DST: variants seen among roughly 807,000 people sequenced by gnomAD.
DST encodes bullous pemphigoid antigen.
Under a neutral mutation model 875.2 loss-of-function variants are expected in DST, and 253 were observed. The observed-to-expected ratio is 0.29, with a 90% CI of 0.26 to 0.32. DST has a LOEUF of 0.32. Ranked by LOEUF, DST falls within the 10% of genes least tolerant of loss-of-function variation. The probability of loss-of-function intolerance (pLI) is 1.00; values close to 1 mark genes in which losing one functional copy is unlikely to be tolerated. For missense variants in DST, 8,287 were observed against 9,111.6 expected (o/e 0.91, Z 3.68); for synonymous variants, 3,124 against 3,197.1 (o/e 0.98, Z 0.77).
intron 2 of DST, among the ~76,000 whole-genome samples, chr6:56,938,108 C>CTCTCTCTCTCTCTCTCTCTCTATATATA (rs1383243392): frequency 5.0e-5 from 6 of 120,724 alleles, no homozygotes; most frequent in African/African-American, 2.1e-4. Flanking sequence ...CTCTCTCTCT[C>CTCTCTCTCTCTCTCTCTCTCTATATATA]TATATATATA....
chr6:56,566,592 G>A lies in DST; in HGVS notation c.14005+1877C>T, dbSNP rs184585344. On this transcript the variant is annotated intron_variant, in intron 55 of 103. Transcript: ENST00000680361. ...TCAGTTGGAAATGCAGAAATCACCC[G>A]CCTTCTGCATTGATTTCACTGGGAG... 1.2e-4 allele frequency among the ~76,000 whole-genome samples: 18 copies of A among 152,244 alleles called. 1 individual carries two copies. In the South Asian group the frequency reaches 2.1e-3, roughly 18 times the overall value.
intron 90 of DST, among the ~76,000 whole-genome samples, chr6:56,481,836 A>T (rs768171958): frequency 6.6e-6 from 1 of 152,228 alleles, no homozygotes; most frequent in Non-Finnish European, 1.5e-5. Flanking sequence ...CTGAAAAGGA[A>T]ACATCAAAAG....
chr6:56,585,236 C>G (rs1389589009), intron 49 of DST, among the ~76,000 whole-genome samples: 194 of 145,662 alleles, frequency 1.3e-3, no homozygotes, highest in Middle Eastern at 3.5e-3. Context: ...GACTCTTTTT[C>G]GTTGGTAAGC....
intron 2 of DST, among the ~76,000 whole-genome samples, chr6:56,943,706 T>C (rs1483496945): frequency 6.6e-6 from 1 of 152,040 alleles, no homozygotes; most frequent in Non-Finnish European, 1.5e-5. Flanking sequence ...GTGCTGGGAT[T>C]ACAGGCATGA....
chr6:56,933,401 G>A (rs1316206412), intron 2 of DST, among the ~76,000 whole-genome samples: 1 of 152,198 alleles, frequency 6.6e-6, no homozygotes, highest in Non-Finnish European at 1.5e-5. Context: ...AGGAGATCAG[G>A]TCTTTCAGCA....
chr6:56,765,503 T>C (rs891300104), intron 4 of DST, among the ~76,000 whole-genome samples: 2 of 152,148 alleles, frequency 1.3e-5, no homozygotes, highest in Admixed American at 6.5e-5. Context: ...ACGAAACATA[T>C]GCATGCCAGG....
chr6:56,693,616 A>G (rs1225270544), intron 9 of DST, among the ~76,000 whole-genome samples: 1 of 152,220 alleles, frequency 6.6e-6, no homozygotes, highest in Non-Finnish European at 1.5e-5. Flanking sequence ...GATTTAGGAA[A>G]GTGCCCTTCA....
chr6:56,592,412 G>T (rs1207296583), intron 48 of DST, 54 bp from the exon 49 acceptor site: 3 of 1,365,016 alleles, frequency 2.2e-6, no homozygotes, highest in South Asian at 1.3e-5. Context: ...ATTTTCATAT[G>T]CATCAAATAA....
chr6:56,894,562 C>T (rs1171752120), intron 3 of DST, among the ~76,000 whole-genome samples: 2 of 54,400 alleles, frequency 3.7e-5, no homozygotes, highest in Admixed American at 2.9e-4. Context: ...CTGGACGGGG[C>T]GGCTGGCCGG....
At position 56,593,686 on chromosome 6, in the gene DST, G is replaced by C. The variant is rs778888568; in HGVS notation, c.12703C>G (p.Arg4235Gly). 43 of 1,606,476 alleles carry C rather than the reference G, an allele frequency of 2.7e-5. No homozygotes were observed. The highest frequency in any genetic ancestry group is 3.6e-5 in the Non-Finnish European group (42 of 1,175,490). Residue 4235 changes from arginine (R) to glycine (G), a missense_variant, in exon 48 of 104, where the codon CGG becomes GGG. Physicochemically the swap from Arg to Gly is moderately radical, Grantham distance 125. Coordinates refer to ENST00000680361, the MANE Select transcript of DST (RefSeq NM_001374736.1). ...ACCTTAGAGTAGAGAGACCTGAACC[G>C]ATCAGTAGCATGATCCAACTTGCGC... ...VQRKLDHATD[R>G]FRSLYSKCNV...
At position 56,488,107 on chromosome 6, in the gene DST, C is replaced by A. The variant is rs11965750; in HGVS notation, c.20878-834G>T. ...TTCTAAGTAATAGACAACACAATTA[C>A]AATCACATTATTTCTACAGTTATCC... On this transcript the variant is annotated intron_variant, in intron 86 of 103. Coordinates refer to ENST00000680361, the MANE Select transcript of DST (RefSeq NM_001374736.1). Among the ~76,000 whole-genome samples the A allele has an allele frequency of 9.5e-3, 1,447 of 152,242 alleles. 24 individuals carry two copies. Among genetic ancestry groups the A allele is most frequent in the African/African-American group, 0.032 (1,341 of 41,542 alleles).
chr6:56,693,701 A>G (rs2099246703), intron 9 of DST, among the ~76,000 whole-genome samples: 1 of 152,102 alleles, frequency 6.6e-6, no homozygotes, highest in Non-Finnish European at 1.5e-5. Context: ...TTTTTTCTTA[A>G]GAAATACCAA....
chr6:56,632,785 A>T (rs2098792342), intron 28 of DST, 69 bp downstream of exon 28: 1 of 1,339,536 alleles, frequency 7.5e-7, no homozygotes, highest in Non-Finnish European at 1.1e-6. Context: ...TGAGATTCCC[A>T]TTGAGAGCAA....
chr6:56,824,403 A>G (rs572677447), intron 4 of DST, among the ~76,000 whole-genome samples: 3 of 152,292 alleles, frequency 2.0e-5, no homozygotes, highest in South Asian at 4.1e-4. Flanking sequence ...AAGAGCCGAG[A>G]TTGCAGCCTC....
chr6:56,483,527 C>CTTTTTTTTTTT lies in DST; in HGVS notation c.21208-661_21208-651dup, dbSNP rs138042978. 17 of 60,032 alleles carry CTTTTTTTTTTT rather than the reference C, an allele frequency of 2.8e-4. 1 individual carries two copies. The highest frequency in any genetic ancestry group is 9.9e-4 in the African/African-American group (13 of 13,196). The allele number at this position is 60,032 out of a possible 1,614,324, so 3.7% of individuals were successfully genotyped here. On this transcript the variant is annotated intron_variant, in intron 88 of 103. Transcript: ENST00000680361. ...CTTAGAGGAAAAGCTTCTGGGTTTG[C>CTTTTTTTTTTT]TTTTTTTTTTTTTTTTTTTTTTTTT...
At chr6:56,897,307 G>C (rs939452431) in intron 3 of DST, among the ~76,000 whole-genome samples, 1 of 104,684 alleles carries the variant, frequency 9.6e-6, no homozygotes, top group East Asian at 2.1e-4. Flanking sequence ...TTTTTTTTTG[G>C]GGGGGGGGTT....
chr6:56,754,968 C>T (rs977192183), intron 4 of DST, among the ~76,000 whole-genome samples: 49 of 152,000 alleles, frequency 3.2e-4, no homozygotes, highest in Non-Finnish European at 8.8e-5. Context: ...TGGATTATCC[C>T]TTCTATTTCA....
At position 56,471,231 on chromosome 6, in the gene DST, C is replaced by A. The variant is rs1212250838; in HGVS notation, c.22196G>T (p.Arg7399Leu). 3.1e-6 allele frequency: 5 copies of A among 1,594,860 alleles called. No homozygotes were observed. The highest frequency in any genetic ancestry group is 3.4e-6 in the Non-Finnish European group (4 of 1,169,764). The change falls in exon 95 of 104, where the codon CGC becomes CTC. Residue 7399 changes from arginine to leucine, a missense_variant. Arg to Leu is a moderately radical substitution (Grantham distance 102). Around this residue, in one of 10 missense-constraint regions of DST, gnomAD observed 1,292 missense variants for 1,552.7 expected, o/e 0.83. Transcript: ENST00000680361. Reference protein sequence around the residue: ...EFANFDFDIWRKKYMRWMNHK... With the variant: ...EFANFDFDIWLKKYMRWMNHK... ...ATTCATCCATCGCATGTATTTTTTG[C>A]GCCAGATATCAAAATCAAAGTTAGC... is the stretch of plus-strand genomic sequence containing the variant.
intron 2 of DST, among the ~76,000 whole-genome samples, chr6:56,916,778 T>TCTCACA (rs1470233953): frequency 0.089 from 8,131 of 90,976 alleles, 459 homozygotes; most frequent in South Asian, 0.14. Context: ...TCTCTCTCTC[T>TCTCACA]CACACACACA....
Sources: allele counts gnomAD v4.1 joint callset (sites outside exome capture counted in the v4.1 genomes callset), GRCh38; gene constraint gnomAD v4.1.1; regional missense constraint gnomAD v4.1.1; transcripts MANE v1.5; gene names NCBI Gene and HGNC (gene_info 2026-07-23, HGNC 2026-07-21).